Variants in NOTUM observed in about 807,000 individuals in gnomAD.
The protein encoded by NOTUM is palmitoleoyl-protein carboxylesterase NOTUM.
Under a neutral mutation model 65.5 loss-of-function variants are expected in NOTUM, and 36 were observed. The ratio of observed to expected loss-of-function variants is 0.55; its 90% CI spans 0.42 to 0.73. NOTUM has a LOEUF of 0.73. Among genes scored for constraint, NOTUM ranks in the 30% least tolerant of loss-of-function variants. The pLI is 0.00. For missense variants in NOTUM, 659 were observed against 694.2 expected, an observed-to-expected ratio of 0.95 and a Z score of 0.57; for synonymous variants, 356 against 297.9, an observed-to-expected ratio of 1.20 and a Z score of -2.01.
In NOTUM at chr17:81,959,564, C is replaced by T. The variant is rs922302044; in HGVS notation, c.379G>A (p.Gly127Ser). 3.2e-6 allele frequency: 5 copies of T among 1,548,758 alleles called. No homozygotes were observed. Among genetic ancestry groups the T allele is most frequent in the Non-Finnish European group, 3.5e-6 (4 of 1,146,404 alleles). ...SRRWLLFLEGGWYCFNRENCD... is the reference protein window; with the variant it reads ...SRRWLLFLEGSWYCFNRENCD... ...TTCTCGCGGTTGAAGCAGTACCAGC[C>T]GCCTGCGGACACGACCGCCGCTCAG... Residue 127 changes from glycine to serine, a missense_variant and splice_region_variant, in exon 3 of 11, where the codon GGC becomes AGC. Transcript: ENST00000409678.
Position 81,960,715 on chromosome 17 carries a change from G to A in NOTUM, c.195C>T (p.Ser65=), listed in dbSNP as rs777654701. 2.5e-6 allele frequency: 4 copies of A among 1,604,036 alleles called. No homozygotes were observed. The highest frequency in any genetic ancestry group is 3.4e-6 in the Non-Finnish European group (4 of 1,176,078). ...CCAGGCTCTTGACTTGCGCCATGAA[G>A]CTGTCCATGTTACCCTCCACGGCCG... ...DFTAVEGNMD[S]FMAQVKSLAQ... Residue 65 remains serine (S), a synonymous_variant, in exon 1 of 11, where the codon AGC becomes AGT. Transcript: ENST00000409678. This position sits in a 1 kb window ranked among gnomAD's most constrained non-coding sequence, Gnocchi z 6.4.
rs1289929967 is a variant in NOTUM, at chr17:81,961,141, C to G, written c.-232G>C. On this transcript the variant is annotated 5_prime_UTR_variant, in exon 1 of 11. Coordinates refer to ENST00000409678, the MANE Select transcript of NOTUM (RefSeq NM_178493.6). ...AGCTGGGGCTCCGCGCCCGGCCGTC[C>G]GAGGGCAGCGCAGGGTCTGGGTGCG... is the stretch of plus-strand genomic sequence containing the variant. 6.7e-6 allele frequency: 1 copy of G among 150,032 alleles called. No homozygotes were observed. The highest frequency in any genetic ancestry group is 2.4e-5 in the African/African-American group (1 of 40,932). The allele number at this position is 150,032 out of a possible 1,614,324, so 9.3% of individuals were successfully genotyped here.
intron 5 of NOTUM, 99 bp from the exon 6 acceptor site, chr17:81,958,007 G>C (rs1429380250): frequency 5.2e-5 from 45 of 872,552 alleles, no homozygotes; most frequent in Non-Finnish European, 3.5e-5. Context: ...CCCACTGGGG[G>C]ACTGGGAGGA....
intron 4 of NOTUM, 57 bp from the exon 5 acceptor site, chr17:81,958,450 A>G (rs775447584): frequency 8.4e-7 from 1 of 1,191,186 alleles, no homozygotes; most frequent in Non-Finnish European, 1.2e-6. Flanking sequence ...CAGCCTCCAG[A>G]AAGGACCCCC....
chr17:81,958,923 G>C lies in NOTUM; in HGVS notation c.533+12C>G, dbSNP rs778176031. The C allele has an allele frequency of 2.5e-6, 4 of 1,608,280 alleles. No homozygotes were observed. The Admixed American group carries it at 5.0e-5, about 20-fold the overall frequency. Reference sequence around the variant, plus strand: ...AGGCAGGACTCCCAGGCAAGACCCTGTGCCCCCTTACACCATGTTTGCGTT... The same window carrying C: ...AGGCAGGACTCCCAGGCAAGACCCTCTGCCCCCTTACACCATGTTTGCGTT... On this transcript the variant is annotated intron_variant, in intron 4 of 10. Transcript: ENST00000409678.
intron 2 of NOTUM, 35 bp downstream of exon 2, chr17:81,959,605 C>A (rs777319631): frequency 2.6e-6 from 4 of 1,543,806 alleles, no homozygotes; most frequent in South Asian, 1.2e-5. Flanking sequence ...CGCGCACAGA[C>A]CCCCGGCCTC....
chr17:81,954,992 A>G (rs1446789516), intron 9 of NOTUM, among the ~76,000 whole-genome samples: 2 of 147,282 alleles, frequency 1.4e-5, no homozygotes, highest in South Asian at 2.2e-4. Flanking sequence ...CTATATATGT[A>G]TTTTTTGAGA....
chr17:81,960,995 G>T lies in NOTUM; in HGVS notation c.-86C>A. 1.5e-6 allele frequency: 1 copy of T among 674,832 alleles called. No homozygotes were observed. The highest frequency in any genetic ancestry group is 2.0e-6 in the Non-Finnish European group (1 of 510,864). The allele number at this position is 674,832 out of a possible 1,614,324, so 41.8% of individuals were successfully genotyped here. A position where few individuals can be genotyped will look rare whatever the true frequency, so the allele number is the denominator to read the frequency against. Reference sequence around the variant, plus strand: ...GCCGGGCCGGGGGTGCCGGGCCGGGGGTGTCGGGGGCACTGGCCGCTCCTG... The same window carrying T: ...GCCGGGCCGGGGGTGCCGGGCCGGGTGTGTCGGGGGCACTGGCCGCTCCTG... On this transcript the variant is annotated 5_prime_UTR_variant, in exon 1 of 11. Transcript: ENST00000409678. This position sits in a 1 kb window ranked among gnomAD's most constrained non-coding sequence, Gnocchi z 6.4.
chr17:81,956,483 T>G (rs1386111998), intron 8 of NOTUM, among the ~76,000 whole-genome samples, 167 bp downstream of exon 8: 1 of 152,048 alleles, frequency 6.6e-6, no homozygotes, highest in Non-Finnish European at 1.5e-5. Context: ...GCCTCCTCCC[T>G]GGTACACAGC....
chr17:81,961,147 C>G lies in NOTUM; in HGVS notation c.-238G>C, dbSNP rs2041475285. Reference sequence around the variant, plus strand: ...GGCTCCGCGCCCGGCCGTCCGAGGGCAGCGCAGGGTCTGGGTGCGCTGGCT... The same window carrying G: ...GGCTCCGCGCCCGGCCGTCCGAGGGGAGCGCAGGGTCTGGGTGCGCTGGCT... On this transcript the variant is annotated 5_prime_UTR_variant, in exon 1 of 11. Transcript: ENST00000409678. 6.7e-6 allele frequency: 1 copy of G among 150,020 alleles called. No homozygotes were observed. The highest frequency in any genetic ancestry group is 1.5e-5 in the Non-Finnish European group (1 of 68,014). The allele number at this position is 150,020 out of a possible 1,614,324, so 9.3% of individuals were successfully genotyped here. A position where few individuals can be genotyped will look rare whatever the true frequency, so the allele number is the denominator to read the frequency against.
Position 81,954,287 on chromosome 17 carries a change from C to T in NOTUM, c.1153G>A (p.Ala385Thr). 3 of 1,612,842 alleles carry T rather than the reference C, an allele frequency of 1.9e-6. No homozygotes were observed. Among genetic ancestry groups the T allele is most frequent in the Non-Finnish European group, 1.7e-6 (2 of 1,179,114 alleles). Residue 385 changes from alanine (A) to threonine (T), a missense_variant, in exon 10 of 11, where the codon GCC (alanine) becomes ACC (threonine). Physicochemically the swap from Ala to Thr is moderately conservative, Grantham distance 58. Transcript: ENST00000409678. ...ATGATGATCTCATGGGAGAGGCAGG[C>T]GGGGGCAAAGCTGGCCCTGTTGGAG... ...LKDVPASFAPACLSHEIIIRS... is the reference protein window; with the variant it reads ...LKDVPASFAPTCLSHEIIIRS...
rs1179483079 is a variant in NOTUM at position 81,954,970 on chromosome 17, TTCTC to T, written c.1136+423_1136+426del. Among the ~76,000 whole-genome samples the T allele has an allele frequency of 1.3e-3, 199 of 149,308 alleles. 1 individual carries two copies. Among genetic ancestry groups the T allele is most frequent in the Non-Finnish European group, 1.0e-3 (69 of 67,184 alleles). On this transcript the variant is annotated intron_variant, in intron 9 of 10. Coordinates refer to ENST00000409678, the MANE Select transcript of NOTUM (RefSeq NM_178493.6). ...CTCTCTCTCTCTCTCCTCTCTCTCT[TTCTC>T]TCTCTCTCTATATATGTATTTTTTG...
Position 81,958,350 on chromosome 17 carries a change from A to C in NOTUM, c.577T>G (p.Ser193Ala). Residue 193 changes from serine to alanine, a missense_variant, in exon 5 of 11, where the codon TCC becomes GCC. Ser to Ala is a moderately conservative substitution (Grantham distance 99). Transcript: ENST00000409678. ...CGAGACTCACTCTTCTCAGACTTGG[A>C]TGAAGCCCCGCTCCAAACATCACTG... ...CSSDVWSGAS[S>A]KSEKNEYAFM... 5 of 1,610,080 alleles carry C rather than the reference A, an allele frequency of 3.1e-6. No homozygotes were observed. Among genetic ancestry groups the C allele is most frequent in the Non-Finnish European group, 4.2e-6 (5 of 1,177,670 alleles).
intron 10 of NOTUM, among the ~76,000 whole-genome samples, 166 bp downstream of exon 10, chr17:81,954,090 C>T (rs769714408): frequency 6.6e-6 from 1 of 152,194 alleles, no homozygotes; most frequent in African/African-American, 2.4e-5. Context: ...AGTCTTAATT[C>T]TTGCCATACA....
Position 81,961,056 on chromosome 17 carries a change from GGA to G in NOTUM, c.-149_-148del. 1 of 240,200 alleles carries G rather than the reference GGA, an allele frequency of 4.2e-6. No homozygotes were observed. Among genetic ancestry groups the G allele is most frequent in the South Asian group, 1.4e-4 (1 of 7,106 alleles). 14.9% of individuals were successfully genotyped at this position (240,200 alleles called of 1,614,324 possible). On this transcript the variant is annotated 5_prime_UTR_variant, in exon 1 of 11. Coordinates refer to ENST00000409678, the MANE Select transcript of NOTUM (RefSeq NM_178493.6). ...CCCGCTCCCGCCCGCCGGGCCTGGC[GGA>G]GAAGGCGCGCGCGGCTCGGCGTCGA... is the stretch of plus-strand genomic sequence containing the variant.
chr17:81,957,986 G>A (rs2041445961), intron 5 of NOTUM, 78 bp from the exon 6 acceptor site: 1 of 1,116,912 alleles, frequency 9.0e-7, no homozygotes, highest in South Asian at 1.3e-5. Flanking sequence ...GGCTGGCAGA[G>A]AAGTTCTTGC....
chr17:81,956,060 A>C (rs542234662), intron 8 of NOTUM, among the ~76,000 whole-genome samples: 2 of 152,232 alleles, frequency 1.3e-5, no homozygotes, highest in African/African-American at 4.8e-5. Flanking sequence ...CCTTCTTTCA[A>C]ACCAGCCTTT....
rs1233640398 is a variant in NOTUM, at chr17:81,953,022, A to G, written c.1430T>C (p.Val477Ala). 7 of 1,614,002 alleles carry G rather than the reference A, an allele frequency of 4.3e-6. No homozygotes were observed. The highest frequency in any genetic ancestry group is 5.9e-6 in the Non-Finnish European group (7 of 1,179,980). Reference sequence around the variant, plus strand: ...GGGCTCCAGTCCCTGCGGCTGGGCCACCGTCTGCATGTCGAAGCCCATGTG... The same window carrying G: ...GGGCTCCAGTCCCTGCGGCTGGGCCGCCGTCTGCATGTCGAAGCCCATGTG... ...LMHMGFDMQT[V>A]AQPQGLEPSE... The change falls in exon 11 of 11, where the codon GTG becomes GCG. Residue 477 changes from valine to alanine, a missense_variant. By Grantham distance (64) the Val-to-Ala change is moderately conservative (BLOSUM62 0). Transcript: ENST00000409678.
rs1324593082 is a variant in NOTUM, at chr17:81,952,792, G to A, written c.*169C>T. 9.5e-6 allele frequency: 6 copies of A among 629,450 alleles called. No homozygotes were observed. The highest frequency in any genetic ancestry group is 7.3e-5 in the African/African-American group (4 of 54,832). The allele number at this position is 629,450 out of a possible 1,614,324, so 39.0% of individuals were successfully genotyped here. A position where few individuals can be genotyped will look rare whatever the true frequency, so the allele number is the denominator to read the frequency against. On this transcript the variant is annotated 3_prime_UTR_variant, in exon 11 of 11. Transcript: ENST00000409678. Reference sequence around the variant, plus strand: ...CCTTGTCTCTGGCTGGGCTGTGGGAGAGGGGCAGGGAAAGCCGGGGCAGGA... The same window carrying A: ...CCTTGTCTCTGGCTGGGCTGTGGGAAAGGGGCAGGGAAAGCCGGGGCAGGA...
Sources: gnomAD v4.1 joint callset for allele counts (sites outside exome capture counted in the v4.1 genomes callset) on GRCh38, gnomAD v4.1.1 for gene constraint, Gnocchi (gnomAD v3.1) non-coding constraint, MANE v1.5 for transcripts, NCBI Gene and HGNC (gene_info 2026-07-23, HGNC 2026-07-21) for gene names.